SCCPDH: variants seen among roughly 807,000 people sequenced by gnomAD.
SCCPDH encodes saccharopine dehydrogenase (putative).
In SCCPDH, 34 loss-of-function variants were observed where a neutral mutation model predicts 51.5. The observed-to-expected ratio is 0.66, with a 90% CI of 0.50 to 0.88. The LOEUF (loss-of-function observed/expected upper bound fraction) is 0.88. Among genes scored for constraint, SCCPDH ranks in the 40% least tolerant of loss-of-function variants. The probability of loss-of-function intolerance (pLI) is 0.00; values close to 1 mark genes in which losing one functional copy is unlikely to be tolerated. For synonymous variants in SCCPDH, 187 were observed against 191.3 expected (o/e 0.98, Z 0.19); for missense variants, 464 against 527.1 (o/e 0.88, Z 1.17).
chr1:246,757,135 G>A (rs1405386738), intron 5 of SCCPDH, among the ~76,000 whole-genome samples: 1 of 152,152 alleles, frequency 6.6e-6, no homozygotes, highest in Non-Finnish European at 1.5e-5. Flanking sequence ...CCTGAGGTCA[G>A]AAGTTCGAGA....
chr1:246,742,048 G>A (rs7418413), intron 4 of SCCPDH, among the ~76,000 whole-genome samples: 6,889 of 152,294 alleles, frequency 0.045, 526 homozygotes, highest in African/African-American at 0.16. Context: ...CAGCCTGGGC[G>A]ATGGAGACTC....
intron 11 of SCCPDH, among the ~76,000 whole-genome samples, chr1:246,766,441 T>C (rs1246476428): frequency 2.0e-5 from 3 of 152,170 alleles, no homozygotes; most frequent in Non-Finnish European, 2.9e-5. Context: ...AAAAAGTCCC[T>C]GTTGTTAATA....
chr1:246,759,127 G>A lies in SCCPDH; in HGVS notation c.789G>A (p.Leu263=). Residue 263 remains leucine, a synonymous_variant, in exon 7 of 12, where the codon TTG becomes TTA. Transcript: ENST00000366510. The stretch of plus-strand genomic sequence containing the variant: ...TTGTAAGGAGGACTCAACGTTACTT[G>A]TATGAAAATTTAGAGGAATCACCAG... ...VSVVRRTQRY[L]YENLEESPVQ... 1.3e-6 allele frequency: 2 copies of A among 1,584,910 alleles called. No homozygotes were observed. The highest frequency in any genetic ancestry group is 1.3e-5 in the African/African-American group (1 of 74,390).
intron 3 of SCCPDH, among the ~76,000 whole-genome samples, chr1:246,737,924 G>A (rs767618996): frequency 8.6e-5 from 13 of 151,960 alleles, no homozygotes; most frequent in Non-Finnish European, 1.5e-4. Flanking sequence ...AGTTGGGCAC[G>A]TTGGCTCATA....
chr1:246,749,373 A>G (rs1205902938), intron 5 of SCCPDH, among the ~76,000 whole-genome samples: 2 of 152,188 alleles, frequency 1.3e-5, no homozygotes, highest in Non-Finnish European at 2.9e-5. Context: ...AGGTTTTATC[A>G]TTGGGTATAT....
chr1:246,747,635 G>A (rs1474977974), intron 5 of SCCPDH, among the ~76,000 whole-genome samples: 3 of 152,240 alleles, frequency 2.0e-5, no homozygotes, highest in African/African-American at 7.2e-5. Context: ...CAAGGGAGGG[G>A]AAGGTGTTCT....
At chr1:246,755,570 G>A (rs1668918157) in intron 5 of SCCPDH, 1 of 152,258 alleles carries the variant, frequency 6.6e-6, no homozygotes, top group Non-Finnish European at 1.5e-5. Context: ...TAAGCAGGAC[G>A]GCTGCTTTGG....
intron 5 of SCCPDH, among the ~76,000 whole-genome samples, chr1:246,745,002 A>C (rs943910075): frequency 2.0e-5 from 3 of 152,240 alleles, no homozygotes; most frequent in African/African-American, 7.2e-5. Flanking sequence ...TCAACACTAA[A>C]GCATTTATCA....
intron 3 of SCCPDH, 40 bp downstream of exon 3, chr1:246,736,095 A>G (rs768677333): frequency 7.8e-6 from 11 of 1,411,150 alleles, no homozygotes; most frequent in Non-Finnish European, 9.9e-6. Context: ...ATTAACACAT[A>G]AATTTCGGTT....
At chr1:246,739,394 A>G (rs1472880606) in intron 3 of SCCPDH, among the ~76,000 whole-genome samples, 1 of 152,254 alleles carries the variant, frequency 6.6e-6, no homozygotes, top group Non-Finnish European at 1.5e-5. Context: ...ATGCCTGACC[A>G]GTACTCCTCA....
At chr1:246,733,491 T>TACACACACAC (rs57989437) in intron 2 of SCCPDH, among the ~76,000 whole-genome samples, 31 of 148,870 alleles carry the variant, frequency 2.1e-4, no homozygotes, top group African/African-American at 7.4e-4. Flanking sequence ...TCATATTTTA[T>TACACACACAC]ACACACACAC....
chr1:246,726,304 C>G (rs1202858006), intron 1 of SCCPDH, among the ~76,000 whole-genome samples: 2 of 151,266 alleles, frequency 1.3e-5, no homozygotes, highest in African/African-American at 4.9e-5. Flanking sequence ...GTGGCGTGAT[C>G]ACAGCTCACT....
At chr1:246,761,579 G>A (rs749532372) in intron 9 of SCCPDH, among the ~76,000 whole-genome samples, 11 of 152,024 alleles carry the variant, frequency 7.2e-5, no homozygotes, top group Non-Finnish European at 1.2e-4. Context: ...CCCCAGCCCC[G>A]GCAACCGCAT....
chr1:246,737,967 G>A (rs572350252), intron 3 of SCCPDH, among the ~76,000 whole-genome samples: 1 of 152,248 alleles, frequency 6.6e-6, no homozygotes, highest in African/African-American at 2.4e-5. Context: ...AAGCCAAAGT[G>A]GGTGGATCAC....
chr1:246,761,016 C>T (rs1353833483), intron 9 of SCCPDH, among the ~76,000 whole-genome samples: 1 of 152,176 alleles, frequency 6.6e-6, no homozygotes, highest in Non-Finnish European at 1.5e-5. Flanking sequence ...AATTCCTACT[C>T]TCAGACCTAT....
intron 9 of SCCPDH, among the ~76,000 whole-genome samples, chr1:246,761,828 A>G (rs556041421): frequency 1.3e-5 from 2 of 152,336 alleles, no homozygotes; most frequent in African/African-American, 2.4e-5. Flanking sequence ...GCTTTTGGCT[A>G]TTGCCAGTTA....
intron 3 of SCCPDH, 120 bp from the exon 4 acceptor site, chr1:246,740,052 C>A: frequency 1.5e-6 from 1 of 673,370 alleles, no homozygotes. Flanking sequence ...TGTTTTGCTG[C>A]AGAGCCACAC....
intron 2 of SCCPDH, among the ~76,000 whole-genome samples, chr1:246,729,409 T>TC (rs35600764): frequency 0.29 from 44,179 of 151,922 alleles, 7,989 homozygotes; most frequent in South Asian, 0.41. Context: ...TTTAGAGACC[T>TC]CCCCCTGGGA....
At chr1:246,727,059 A>G (rs1435751883) in intron 2 of SCCPDH, 55 bp downstream of exon 2, 1 of 1,310,792 alleles carries the variant, frequency 7.6e-7, no homozygotes, top group Non-Finnish European at 1.1e-6. Context: ...ATTTCTAGCA[A>G]AATATTCCAG....
Sources: allele counts gnomAD v4.1 joint callset (sites outside exome capture counted in the v4.1 genomes callset), GRCh38; gene constraint gnomAD v4.1.1; transcripts MANE v1.5; gene names NCBI Gene and HGNC (gene_info 2026-07-23, HGNC 2026-07-21).